The following DEPTOR variants were observed in gnomAD, a reference collection of about 807,000 sequenced individuals.
The protein encoded by DEPTOR is DEP domain containing MTOR interacting protein, also known as DEP domain-containing mTOR-interacting protein.
A neutral mutation model predicts 41.6 loss-of-function variants in DEPTOR; 41 were observed. The ratio of observed to expected loss-of-function variants is 0.98; its 90% CI spans 0.77 to 1.28. The LOEUF is 1.28. Among genes scored for constraint, DEPTOR ranks in the 50% most tolerant of loss-of-function variants. DEPTOR has a pLI of 0.00. For synonymous variants in DEPTOR, 195 were observed against 192.3 expected (o/e 1.01, Z -0.12); for missense variants, 514 against 527.9 (o/e 0.97, Z 0.26).
chr8:119,877,104 G>C (rs1016579833), intron 1 of DEPTOR, among the ~76,000 whole-genome samples: 15 of 152,252 alleles, frequency 9.9e-5, no homozygotes, highest in African/African-American at 3.6e-4. Flanking sequence ...TAGCCTCTCT[G>C]TGTCTCAGTT....
intron 1 of DEPTOR, among the ~76,000 whole-genome samples, chr8:119,904,416 G>A (rs1827634887): frequency 6.7e-6 from 1 of 150,220 alleles, no homozygotes; most frequent in Non-Finnish European, 1.5e-5. Context: ...ACTGCGCCCG[G>A]CGTAAACCTC....
At chr8:119,999,000 G>A (rs1374701607) in intron 4 of DEPTOR, among the ~76,000 whole-genome samples, 2 of 151,312 alleles carry the variant, frequency 1.3e-5, no homozygotes, top group South Asian at 2.1e-4. Context: ...ACGGAGGCTC[G>A]TGTCTGTAAT....
Position 120,006,894 on chromosome 8 carries a change from C to G in DEPTOR, c.996+19C>G. On this transcript the variant is annotated intron_variant, in intron 7 of 8. Transcript: ENST00000286234. Reference sequence around the variant, plus strand: ...ATTCACGGTAGGCTGATGGTCTGGCCTTTTTCTCCCGTGCTGCCCATTTTT... The same window carrying G: ...ATTCACGGTAGGCTGATGGTCTGGCGTTTTTCTCCCGTGCTGCCCATTTTT... 2 of 1,613,870 alleles carry G rather than the reference C, an allele frequency of 1.2e-6. No individual in the cohort carries two copies. Among genetic ancestry groups the G allele is most frequent in the South Asian group, 1.1e-5 (1 of 91,050 alleles).
intron 3 of DEPTOR, among the ~76,000 whole-genome samples, chr8:119,950,739 C>G (rs1166677256): frequency 6.6e-6 from 1 of 152,062 alleles, no homozygotes; most frequent in South Asian, 2.1e-4. Context: ...GGATTACAGG[C>G]GTGCACCACT....
At chr8:120,010,990 G>A (rs1156327383) in intron 8 of DEPTOR, among the ~76,000 whole-genome samples, 1 of 152,186 alleles carries the variant, frequency 6.6e-6, no homozygotes, top group African/African-American at 2.4e-5. Context: ...ATAAGAGGAT[G>A]CAGAAGGCTT....
At chr8:120,026,391 G>A (rs749725990) in intron 8 of DEPTOR, among the ~76,000 whole-genome samples, 6 of 151,582 alleles carry the variant, frequency 4.0e-5, no homozygotes, top group Non-Finnish European at 8.8e-5. Flanking sequence ...CACCCAGGCT[G>A]GAGTGCAATA....
At chr8:119,936,848 A>T (rs1828119608) in intron 3 of DEPTOR, among the ~76,000 whole-genome samples, 1 of 151,652 alleles carries the variant, frequency 6.6e-6, no homozygotes, top group Non-Finnish European at 1.5e-5. Flanking sequence ...ACCTGGTGAA[A>T]CCCCATCTCT....
chr8:119,989,008 C>T (rs1828866342), intron 4 of DEPTOR, among the ~76,000 whole-genome samples: 1 of 135,696 alleles, frequency 7.4e-6, no homozygotes, highest in South Asian at 2.3e-4. Flanking sequence ...ACCATGTTGC[C>T]CAGGCTAGTC....
chr8:119,976,524 A>G (rs988095614), intron 4 of DEPTOR, among the ~76,000 whole-genome samples: 3 of 152,146 alleles, frequency 2.0e-5, no homozygotes, highest in Non-Finnish European at 2.9e-5. Flanking sequence ...AGCAGCTCCA[A>G]TCATCACTTC....
At chr8:119,974,230 C>A (rs1187687720) in intron 4 of DEPTOR, among the ~76,000 whole-genome samples, 2 of 78,306 alleles carry the variant, frequency 2.6e-5, no homozygotes, top group South Asian at 5.6e-4. Context: ...GAGATCTTGT[C>A]TCTTTAAAAA....
At chr8:119,931,954 A>G (rs890628349) in intron 3 of DEPTOR, among the ~76,000 whole-genome samples, 1 of 132,240 alleles carries the variant, frequency 7.6e-6, no homozygotes, top group Non-Finnish European at 1.6e-5. Flanking sequence ...TTTTAATTAA[A>G]AAAGATTATT....
intron 4 of DEPTOR, among the ~76,000 whole-genome samples, chr8:119,990,743 T>C (rs953691866): frequency 6.6e-6 from 1 of 152,240 alleles, no homozygotes; most frequent in Non-Finnish European, 1.5e-5. Flanking sequence ...CTTTATGTCC[T>C]ACAATCAATT....
Position 120,001,525 on chromosome 8 carries a change from T to G in DEPTOR, c.605T>G (p.Val202Gly). Residue 202 changes from valine to glycine, a missense_variant and splice_region_variant, in exon 5 of 9, where the codon GTG becomes GGG. Val to Gly is a moderately radical substitution (Grantham distance 109). Transcript: ENST00000286234. ...TGGTTGTTTTTTTTTTTCTCCCCAG[T>G]GTCCAACAAGCACCCATTTGTGGAC... ...RLMEHGIIQH[V>G]SNKHPFVDSN... 1 of 1,600,386 alleles carries G rather than the reference T, an allele frequency of 6.2e-7. No individual in the cohort carries two copies.
chr8:120,000,753 G>A (rs1282264477), intron 4 of DEPTOR, among the ~76,000 whole-genome samples: 5 of 150,858 alleles, frequency 3.3e-5, no homozygotes, highest in East Asian at 4.1e-4. Flanking sequence ...TTGAGCCACC[G>A]CACCTGGCCT....
intron 4 of DEPTOR, among the ~76,000 whole-genome samples, chr8:119,978,351 G>C (rs1003570691): frequency 6.6e-6 from 1 of 152,090 alleles, no homozygotes; most frequent in Non-Finnish European, 1.5e-5. Context: ...TCTCAGGCTC[G>C]CTAGAAGAGC....
chr8:119,964,515 C>CAAAAAAAAAA (rs536731714), intron 3 of DEPTOR, among the ~76,000 whole-genome samples: 5 of 121,690 alleles, frequency 4.1e-5, no homozygotes, highest in African/African-American at 9.9e-5. Context: ...AAGCCCGTCT[C>CAAAAAAAAAA]AAAAAAAAAA....
At chr8:119,889,958 T>TG (rs1410192752) in intron 1 of DEPTOR, among the ~76,000 whole-genome samples, 1 of 152,002 alleles carries the variant, frequency 6.6e-6, no homozygotes, top group Non-Finnish European at 1.5e-5. Flanking sequence ...TTGTTGTTGT[T>TG]TTGTTTTGTT....
chr8:119,912,943 T>C (rs1392735702), intron 1 of DEPTOR, among the ~76,000 whole-genome samples: 1 of 152,196 alleles, frequency 6.6e-6, no homozygotes, highest in Non-Finnish European at 1.5e-5. Flanking sequence ...GTTTTTGAGA[T>C]GGAGTCTTGC....
chr8:119,963,391 C>T lies in DEPTOR; in HGVS notation c.426-1841C>T, dbSNP rs1828516773. 1.3e-5 allele frequency among the ~76,000 whole-genome samples: 2 copies of T among 151,984 alleles called. 1 individual carries two copies. The highest frequency in any genetic ancestry group is 4.2e-4 in the South Asian group (2 of 4,802). ...TTTGAGACGGAGTCTCCCTCTGTCA[C>T]TCAGGCTGGAGTGCAGTGGTGTGAA... On this transcript the variant is annotated intron_variant, in intron 3 of 8. Coordinates refer to ENST00000286234, the MANE Select transcript of DEPTOR (RefSeq NM_022783.4).
Sources: gnomAD v4.1 joint callset for allele counts (sites outside exome capture counted in the v4.1 genomes callset) on GRCh38, gnomAD v4.1.1 for gene constraint, MANE v1.5 for transcripts, NCBI Gene and HGNC (gene_info 2026-07-23, HGNC 2026-07-21) for gene names.